Variants in ARHGEF3 observed in about 807,000 individuals in gnomAD.
ARHGEF3 encodes the protein Rho guanine nucleotide exchange factor 3.
In ARHGEF3, 28 loss-of-function variants were observed where a neutral mutation model predicts 63.2. The ratio of observed to expected loss-of-function variants is 0.44; its 90% CI spans 0.33 to 0.61. ARHGEF3 has a LOEUF of 0.61. Ranked by LOEUF, ARHGEF3 falls within the 20% of genes least tolerant of loss-of-function variation. ARHGEF3 has a pLI of 0.03. For missense variants in ARHGEF3, 533 were observed against 659.3 expected, an observed-to-expected ratio of 0.81 and a Z score of 2.10; for synonymous variants, 266 against 254.2, an observed-to-expected ratio of 1.05 and a Z score of -0.44.
At chr3:56,744,631 C>T (rs1225784527) in intron 7 of ARHGEF3, among the ~76,000 whole-genome samples, 1 of 151,620 alleles carries the variant, frequency 6.6e-6, no homozygotes, top group African/African-American at 2.4e-5. Context: ...GTCTTGAACT[C>T]CTGGCTTCAA....
At chr3:56,920,863 T>A (rs995034076) in intron 3 of ARHGEF3, among the ~76,000 whole-genome samples, 1 of 151,938 alleles carries the variant, frequency 6.6e-6, no homozygotes, top group Non-Finnish European at 1.5e-5. Flanking sequence ...TCATCCTGGC[T>A]AACGTGGTGA....
intron 3 of ARHGEF3, among the ~76,000 whole-genome samples, chr3:56,889,813 G>A (rs143111255): frequency 5.6e-4 from 86 of 152,278 alleles, no homozygotes; most frequent in African/African-American, 2.0e-3. Flanking sequence ...TGTAATCCCA[G>A]CACTTTGGGA....
rs931024864 is a variant in ARHGEF3, at chr3:56,897,638, G to A, written c.130-15284C>T. ...TGCAGTGGTGTGATCTCGGCTCACTGCAACCTTCACCTCCTGGGTTCAAGC... is the reference window on the plus strand; with the variant it reads ...TGCAGTGGTGTGATCTCGGCTCACTACAACCTTCACCTCCTGGGTTCAAGC... On this transcript the variant is annotated intron_variant, in intron 3 of 12. Transcript: ENST00000338458. Among the ~76,000 whole-genome samples, 5 of 149,858 alleles carry A rather than the reference G, an allele frequency of 3.3e-5. No homozygotes were observed. The South Asian group carries it at 1.1e-3, about 32-fold the overall frequency.
At chr3:56,768,717 C>T (rs539613440) in intron 2 of ARHGEF3, among the ~76,000 whole-genome samples, 3 of 147,892 alleles carry the variant, frequency 2.0e-5, no homozygotes, top group South Asian at 4.3e-4. Flanking sequence ...AGGCAAAAAG[C>T]GTTAAAGGAA....
chr3:56,869,620 T>G (rs144972125), intron 4 of ARHGEF3, among the ~76,000 whole-genome samples: 52 of 152,262 alleles, frequency 3.4e-4, no homozygotes, highest in African/African-American at 8.9e-4. Flanking sequence ...TTGAGAAAAG[T>G]AAGAAAAACA....
Position 56,729,616 on chromosome 3 carries a change from T to C in ARHGEF3, c.1235A>G (p.Asn412Ser). Residue 412 changes from asparagine (N) to serine (S), a missense_variant, in exon 10 of 10, where the codon AAC becomes AGC. Asn to Ser is a conservative substitution (Grantham distance 46). Around this residue, in one of 4 missense-constraint regions of ARHGEF3, gnomAD observed 151 missense variants for 190.7 expected, o/e 0.79. Transcript: ENST00000296315. ...ATTTTTGAAACTGACTCTGAAGAAG[T>C]TTTTAACTAGAAAGGAAAAACACAT... ...GAFSNNERIK[N>S]FFRVSFKNGS... 1 of 1,596,216 alleles carries C rather than the reference T, an allele frequency of 6.3e-7. No individual in the cohort carries two copies. Among genetic ancestry groups the C allele is most frequent in the Non-Finnish European group, 8.5e-7 (1 of 1,169,928 alleles).
intron 2 of ARHGEF3, among the ~76,000 whole-genome samples, chr3:57,033,416 TAAA>T (rs1486681003): frequency 5.5e-5 from 4 of 72,156 alleles, no homozygotes; most frequent in Admixed American, 1.5e-4. Context: ...TTGGCTGCAG[TAAA>T]AAAAAAAAAA....
chr3:56,960,508 T>C (rs1187145761), intron 2 of ARHGEF3: 1 of 152,294 alleles, frequency 6.6e-6, no homozygotes, highest in Non-Finnish European at 1.5e-5. Flanking sequence ...ACTCTAACTC[T>C]GGTTCTGTCA....
chr3:56,940,280 A>G (rs917816493), intron 3 of ARHGEF3: 1 of 152,230 alleles, frequency 6.6e-6, no homozygotes, highest in Non-Finnish European at 1.5e-5. Context: ...GTCACTTGCA[A>G]CTAGGATTTT....
At chr3:56,955,886 T>C (rs1203477930) in intron 3 of ARHGEF3, among the ~76,000 whole-genome samples, 2 of 152,246 alleles carry the variant, frequency 1.3e-5, no homozygotes, top group African/African-American at 2.4e-5. Flanking sequence ...TCCCCGACCA[T>C]GTCACTGTGG....
rs771095812 is a variant in ARHGEF3, at chr3:56,755,182, G to T, written c.205-31C>A. 11 of 1,606,748 alleles carry T rather than the reference G, an allele frequency of 6.8e-6. No individual in the cohort carries two copies. The East Asian group carries it at 2.5e-4, about 36-fold the overall frequency. On this transcript the variant is annotated intron_variant, in intron 2 of 9. Coordinates refer to ENST00000296315, the MANE Select transcript of ARHGEF3 (RefSeq NM_019555.3). ...CAATGAGAAAAACAAACCATCACGGGGGCAGCGGCAGGACTGGGTGGATCT... is the reference window on the plus strand; with the variant it reads ...CAATGAGAAAAACAAACCATCACGGTGGCAGCGGCAGGACTGGGTGGATCT...
chr3:56,808,645 T>A (rs1197770371), intron 4 of ARHGEF3, among the ~76,000 whole-genome samples: 1 of 151,812 alleles, frequency 6.6e-6, no homozygotes, highest in Non-Finnish European at 1.5e-5. Flanking sequence ...ATTAGCAAAT[T>A]TTTTTGTTTT....
intron 2 of ARHGEF3, chr3:56,975,700 T>C (rs1226421796): frequency 2.8e-6 from 1 of 354,816 alleles, no homozygotes; most frequent in Non-Finnish European, 5.4e-6. Flanking sequence ...GAGAAACAGA[T>C]GTTAAAACCA....
chr3:57,032,083 T>G (rs765626190), intron 2 of ARHGEF3, among the ~76,000 whole-genome samples: 1 of 152,176 alleles, frequency 6.6e-6, no homozygotes, highest in Non-Finnish European at 1.5e-5. Context: ...GGTTGACTGA[T>G]TAGGGGAGGG....
intron 3 of ARHGEF3, among the ~76,000 whole-genome samples, chr3:56,926,124 G>A (rs2042268330): frequency 6.6e-6 from 1 of 152,154 alleles, no homozygotes; most frequent in Admixed American, 6.5e-5. Context: ...AAGAAGCCAG[G>A]GACCATTCTC....
Position 57,040,675 on chromosome 3 carries a change from G to A in ARHGEF3, c.-27-5499C>T, listed in dbSNP as rs570342023. Among the ~76,000 whole-genome samples, 18 of 151,756 alleles carry A rather than the reference G, an allele frequency of 1.2e-4. No individual in the cohort carries two copies. The South Asian group carries it at 1.7e-3, about 14-fold the overall frequency. ...ACCATCAAGTGATACAGTTATGACC[G>A]GTGCCCTTCTCTGTGGGTATGCTGT... On this transcript the variant is annotated intron_variant, in intron 1 of 12. Transcript: ENST00000338458.
intron 4 of ARHGEF3, among the ~76,000 whole-genome samples, chr3:56,833,934 A>C (rs2039017132): frequency 1.5e-5 from 2 of 133,404 alleles, no homozygotes; most frequent in East Asian, 2.5e-4. Context: ...CCCAATTTTT[A>C]CTCTTGTCAC....
At chr3:57,014,230 G>A (rs1314884002) in intron 2 of ARHGEF3, among the ~76,000 whole-genome samples, 2 of 152,164 alleles carry the variant, frequency 1.3e-5, no homozygotes, top group African/African-American at 4.8e-5. Flanking sequence ...AATATCCGAA[G>A]GAACAAACTC....
chr3:56,845,555 T>C (rs1578660284), intron 4 of ARHGEF3, among the ~76,000 whole-genome samples: 2 of 152,308 alleles, frequency 1.3e-5, no homozygotes, highest in Middle Eastern at 3.4e-3. Context: ...CTTTGTTGAT[T>C]TTCCCTTTCC....
Sources: gnomAD v4.1 joint callset for allele counts (sites outside exome capture counted in the v4.1 genomes callset) on GRCh38, gnomAD v4.1.1 for gene constraint, gnomAD v4.1.1 regional missense constraint, MANE v1.5 for transcripts, NCBI Gene and HGNC (gene_info 2026-07-23, HGNC 2026-07-21) for gene names.